FOXK1: variants seen among roughly 807,000 people sequenced by gnomAD.
FOXK1 encodes forkhead box protein K1.
FOXK1 carries 19 observed loss-of-function variants against 51.9 expected under a neutral mutation model. The ratio of observed to expected loss-of-function variants is 0.37; its 90% confidence interval spans 0.26 to 0.54. The LOEUF is 0.54. Among genes scored for constraint, FOXK1 ranks in the 20% least tolerant of loss-of-function variants. The pLI is 0.87. For missense variants in FOXK1, 870 were observed against 1,032.7 expected (o/e 0.84, Z 2.16); for synonymous variants, 537 against 482.6 (o/e 1.11, Z -1.48).
At position 4,761,856 on chromosome 7, in the gene FOXK1, C is replaced by G; in HGVS notation, c.1922-328C>G. On this transcript the variant is annotated intron_variant, in intron 8 of 8. Transcript: ENST00000328914. This position sits in a 1 kb window ranked among gnomAD's most constrained non-coding sequence, Gnocchi z 6.2. ...GGTGCTGGGCGGGGGTGCAGGGTAC[C>G]AGGGCACCGGGCGCATTGTCAGTGG... Among the ~76,000 whole-genome samples the G allele has an allele frequency of 6.6e-6, 1 of 151,982 alleles. No individual in the cohort carries two copies. The highest frequency in any genetic ancestry group is 1.9e-4 in the East Asian group (1 of 5,172).
Position 4,768,423 on chromosome 7 carries a change from C to CATT in FOXK1, c.*5959_*5960insATT, listed in dbSNP as rs1781048912. 1.4e-5 allele frequency: 2 copies of CATT among 138,592 alleles called. 1 individual carries two copies. The highest frequency in any genetic ancestry group is 6.8e-5 in the African/African-American group (2 of 29,298). The allele number at this position is 138,592 out of a possible 1,614,324, so 8.6% of individuals were successfully genotyped here. On this transcript the variant is annotated 3_prime_UTR_variant, in exon 9 of 9. Transcript: ENST00000328914. ...CTGGGATTACAGGCGTGAGCCACCG[C>CATT]GCCCGGCCCACTGACTTCTTTAGGG...
chr7:4,727,569 C>T (rs1013623678), intron 1 of FOXK1, among the ~76,000 whole-genome samples: 1 of 152,178 alleles, frequency 6.6e-6, no homozygotes, highest in Non-Finnish European at 1.5e-5. Flanking sequence ...CCTGCCTTGG[C>T]CTCCCAAAGT....
At position 4,730,958 on chromosome 7, in the gene FOXK1, G is replaced by A. The variant is rs890871390; in HGVS notation, c.561-9880G>A. 2.6e-5 allele frequency among the ~76,000 whole-genome samples: 4 copies of A among 152,130 alleles called. No homozygotes were observed. Among genetic ancestry groups the A allele is most frequent in the Non-Finnish European group, 4.4e-5 (3 of 68,022 alleles). ...GAGGCAGGAGGATCCCTTGAGGCCA[G>A]GAGTTGGAGACTAGCCTGGGCAACA... On this transcript the variant is annotated intron_variant, in intron 1 of 8. Transcript: ENST00000328914. This position sits in a 1 kb window ranked among gnomAD's most constrained non-coding sequence, Gnocchi z 4.7.
intron 1 of FOXK1, among the ~76,000 whole-genome samples, chr7:4,710,017 G>A (rs752344878): frequency 2.6e-5 from 4 of 152,136 alleles, no homozygotes; most frequent in Admixed American, 6.5e-5. Flanking sequence ...ATTGTGTGGC[G>A]GTCAGTTAGT....
chr7:4,690,118 C>T (rs968283245), intron 1 of FOXK1, among the ~76,000 whole-genome samples: 2 of 152,170 alleles, frequency 1.3e-5, no homozygotes, highest in African/African-American at 2.4e-5. Flanking sequence ...GAGACAAAGA[C>T]GGGCATCAGG....
rs1780859985 is a variant in FOXK1 at position 4,756,875 on chromosome 7, G to C, written c.1051-119G>C. 1 of 1,087,614 alleles carries C rather than the reference G, an allele frequency of 9.2e-7. No individual in the cohort carries two copies. The highest frequency in any genetic ancestry group is 1.3e-6 in the Non-Finnish European group (1 of 751,470). 67.4% of individuals were successfully genotyped at this position (1,087,614 alleles called of 1,614,324 possible). ...AGGCCCAGCCAGCACAGCACCAAGG[G>C]CTCTGCACAGAGGGACGGCCTCCCC... On this transcript the variant is annotated intron_variant, in intron 4 of 8. Coordinates refer to ENST00000328914, the MANE Select transcript of FOXK1 (RefSeq NM_001037165.2). The surrounding 1 kb of genome is among the most constrained non-coding windows in gnomAD (Gnocchi z 4.1).
chr7:4,759,250 G>A, intron 6 of FOXK1, 33 bp downstream of exon 6: 5 of 1,609,174 alleles, frequency 3.1e-6, no homozygotes, highest in Non-Finnish European at 1.7e-6. Flanking sequence ...GCGGGGCGGG[G>A]CGGGGCGGGA....
chr7:4,737,830 G>C (rs1284164383), intron 1 of FOXK1, among the ~76,000 whole-genome samples: 3 of 152,114 alleles, frequency 2.0e-5, no homozygotes, highest in Non-Finnish European at 4.4e-5. Context: ...CTTAGAAAAT[G>C]GGTGATGCAA....
intron 1 of FOXK1, among the ~76,000 whole-genome samples, chr7:4,728,730 G>GAAAAAAAAA (rs67143977): frequency 6.7e-5 from 7 of 103,876 alleles, no homozygotes; most frequent in Non-Finnish European, 7.6e-5. Context: ...GTCTCTTTTT[G>GAAAAAAAAA]AAAAAAAAAA....
chr7:4,697,040 C>T (rs1779962534), intron 1 of FOXK1, among the ~76,000 whole-genome samples: 2 of 152,198 alleles, frequency 1.3e-5, no homozygotes, highest in Admixed American at 1.3e-4. Flanking sequence ...CACCGCACTC[C>T]AGCCTGGGCG....
At chr7:4,742,622 G>T (rs1310098801) in intron 2 of FOXK1, among the ~76,000 whole-genome samples, 2 of 151,928 alleles carry the variant, frequency 1.3e-5, no homozygotes, top group African/African-American at 2.4e-5. Context: ...TTGCTATGTT[G>T]CCCAGGCTGG....
intron 1 of FOXK1, among the ~76,000 whole-genome samples, chr7:4,688,981 T>C (rs1779856609): frequency 1.4e-5 from 2 of 145,964 alleles, no homozygotes; most frequent in African/African-American, 4.9e-5. Flanking sequence ...CACCTGCACT[T>C]TTTTTTTTTT....
intron 1 of FOXK1, among the ~76,000 whole-genome samples, chr7:4,717,417 T>C (rs1052994788): frequency 7.3e-6 from 1 of 137,334 alleles, no homozygotes; most frequent in Admixed American, 7.2e-5. Flanking sequence ...GGTGTGTGGA[T>C]GGAAGGTGGT....
chr7:4,713,375 GAAAAAACGA>G (rs1223684358), intron 1 of FOXK1, among the ~76,000 whole-genome samples: 1 of 149,192 alleles, frequency 6.7e-6, no homozygotes, highest in African/African-American at 2.6e-5. Flanking sequence ...TGGTGTCGCG[GAAAAAACGA>G]AGGCAGAGAA....
chr7:4,716,063 C>G lies in FOXK1; in HGVS notation c.561-24775C>G, dbSNP rs1780229182. Among the ~76,000 whole-genome samples, 6 of 152,082 alleles carry G rather than the reference C, an allele frequency of 3.9e-5. No individual in the cohort carries two copies. In the South Asian group the frequency reaches 8.3e-4, roughly 21 times the overall value. On this transcript the variant is annotated intron_variant, in intron 1 of 8. Transcript: ENST00000328914. Reference sequence around the variant, plus strand: ...TTTGGCCAATATGATGAAACCCTGTCTCTACAAATTAGACAGGCGTGGTGG... The same window carrying G: ...TTTGGCCAATATGATGAAACCCTGTGTCTACAAATTAGACAGGCGTGGTGG...
In FOXK1 at chr7:4,763,497, C is replaced by G. The variant is rs190263181; in HGVS notation, c.*1033C>G. On this transcript the variant is annotated 3_prime_UTR_variant, in exon 9 of 9. Transcript: ENST00000328914. ...ATTGATCTGCTGTTTTCAATTGGAA[C>G]CATTTCTCCTGCCTGAAACTCCAGG... 4 of 152,420 alleles carry G rather than the reference C, an allele frequency of 2.6e-5. No homozygotes were observed. Among genetic ancestry groups the G allele is most frequent in the African/African-American group, 4.8e-5 (2 of 41,478 alleles). The allele number at this position is 152,420 out of a possible 1,614,324, so 9.4% of individuals were successfully genotyped here.
intron 1 of FOXK1, among the ~76,000 whole-genome samples, chr7:4,701,727 A>G (rs1283466939): frequency 1.3e-5 from 2 of 152,204 alleles, no homozygotes; most frequent in Non-Finnish European, 2.9e-5. Context: ...CCGTGTCTCT[A>G]CTAAAAATAC....
chr7:4,728,966 A>C (rs1000492126), intron 1 of FOXK1, among the ~76,000 whole-genome samples: 11 of 152,182 alleles, frequency 7.2e-5, no homozygotes, highest in African/African-American at 2.7e-4. Flanking sequence ...TGAGATCTGC[A>C]GATTAAGCCA....
At position 4,761,339 on chromosome 7, in the gene FOXK1, C is replaced by T. The variant is rs978354351; in HGVS notation, c.1921+51C>T. The stretch of plus-strand genomic sequence containing the variant: ...GCCACATCCCAAGCTCTGTGGCTCC[C>T]AGTAGTCAGTGCGGCATGAGAATGT... On this transcript the variant is annotated intron_variant, in intron 8 of 8. Coordinates refer to ENST00000328914, the MANE Select transcript of FOXK1 (RefSeq NM_001037165.2). The surrounding 1 kb of genome is among the most constrained non-coding windows in gnomAD (Gnocchi z 6.2). 6 of 1,533,282 alleles carry T rather than the reference C, an allele frequency of 3.9e-6. No individual in the cohort carries two copies. The African/African-American group carries it at 8.2e-5, about 21-fold the overall frequency. 95.0% of individuals were successfully genotyped at this position (1,533,282 alleles called of 1,614,324 possible). A position where few individuals can be genotyped will look rare whatever the true frequency, so the allele number is the denominator to read the frequency against.
Sources: gnomAD v4.1 joint callset for allele counts (sites outside exome capture counted in the v4.1 genomes callset) on GRCh38, gnomAD v4.1.1 for gene constraint, Gnocchi (gnomAD v3.1) non-coding constraint, MANE v1.5 for transcripts, NCBI Gene and HGNC (gene_info 2026-07-23, HGNC 2026-07-21) for gene names.